BRD3OS: variants seen among roughly 807,000 people sequenced by gnomAD.
The protein encoded by BRD3OS is uncharacterized protein BRD3OS.
In BRD3OS at chr9:134,027,422, C is replaced by T. The variant is rs1263533339; in HGVS notation, c.*420C>T. Reference sequence around the variant, plus strand: ...ATGGCGGAGTAGCAGCAGCATCTCACCAGGAGCTTTGTCGCATTACATTTT... The same window carrying T: ...ATGGCGGAGTAGCAGCAGCATCTCATCAGGAGCTTTGTCGCATTACATTTT... On this transcript the variant is annotated 3_prime_UTR_variant, in exon 3 of 3. Transcript: ENST00000603928. 6.5e-6 allele frequency: 1 copy of T among 154,080 alleles called. No homozygotes were observed. The highest frequency in any genetic ancestry group is 2.4e-5 in the African/African-American group (1 of 41,534). The allele number at this position is 154,080 out of a possible 1,614,324, so 9.5% of individuals were successfully genotyped here. A position where few individuals can be genotyped will look rare whatever the true frequency, so the allele number is the denominator to read the frequency against.
Position 134,030,304 on chromosome 9 carries a change from C to CTTTTTTTTTTTT in BRD3OS, c.*3312_*3323dup, listed in dbSNP as rs60558736. ...GGAAAATGCAAAAAAAAAAAACAGT[C>CTTTTTTTTTTTT]TTTTTTTTTTTTTTTTTTTTTGCTT... On this transcript the variant is annotated 3_prime_UTR_variant, in exon 3 of 3. Transcript: ENST00000603928. 4.0e-4 allele frequency: 31 copies of CTTTTTTTTTTTT among 78,080 alleles called. No homozygotes were observed. The highest frequency in any genetic ancestry group is 5.8e-4 in the Non-Finnish European group (26 of 44,706). The allele number at this position is 78,080 out of a possible 1,614,324, so 4.8% of individuals were successfully genotyped here.
rs949199757 is a variant in BRD3OS, at chr9:134,031,407, G to C, written c.*4405G>C. 5 of 208,578 alleles carry C rather than the reference G, an allele frequency of 2.4e-5. No homozygotes were observed. Among genetic ancestry groups the C allele is most frequent in the Non-Finnish European group, 3.9e-5 (4 of 102,538 alleles). The allele number at this position is 208,578 out of a possible 1,614,324, so 12.9% of individuals were successfully genotyped here. A position where few individuals can be genotyped will look rare whatever the true frequency, so the allele number is the denominator to read the frequency against. On this transcript the variant is annotated 3_prime_UTR_variant, in exon 3 of 3. Transcript: ENST00000603928. ...TGTGCTGGCAGCACGTTACCAACCA[G>C]CCTGCGTGAAGACCTGTCAACTGTC...
Position 134,027,915 on chromosome 9 carries a change from A to T in BRD3OS, c.*913A>T, listed in dbSNP as rs1843451656. 2 of 152,146 alleles carry T rather than the reference A, an allele frequency of 1.3e-5. No individual in the cohort carries two copies. Among genetic ancestry groups the T allele is most frequent in the African/African-American group, 4.8e-5 (2 of 41,400 alleles). The allele number at this position is 152,146 out of a possible 1,614,324, so 9.4% of individuals were successfully genotyped here. A position where few individuals can be genotyped will look rare whatever the true frequency, so the allele number is the denominator to read the frequency against. ...CTCTCCACCAGACTTAAAGCATTCA[A>T]CCACTCTGCCCCCAGGCCGACACTG... On this transcript the variant is annotated 3_prime_UTR_variant, in exon 3 of 3. Coordinates refer to ENST00000603928, the MANE Select transcript of BRD3OS (RefSeq NM_001355256.2).
chr9:134,027,680 G>C lies in BRD3OS; in HGVS notation c.*678G>C, dbSNP rs1383643678. The C allele has an allele frequency of 6.6e-6, 1 of 152,224 alleles. No individual in the cohort carries two copies. The highest frequency in any genetic ancestry group is 1.9e-4 in the East Asian group (1 of 5,198). 9.4% of individuals were successfully genotyped at this position (152,224 alleles called of 1,614,324 possible). Reference sequence around the variant, plus strand: ...GGGCTCAAGCCTCCCAGAGTGCTGGGATTACAGGCATGGGTCACCGCACCA... The same window carrying C: ...GGGCTCAAGCCTCCCAGAGTGCTGGCATTACAGGCATGGGTCACCGCACCA... On this transcript the variant is annotated 3_prime_UTR_variant, in exon 3 of 3. Coordinates refer to ENST00000603928, the MANE Select transcript of BRD3OS (RefSeq NM_001355256.2).
In BRD3OS at chr9:134,027,865, T is replaced by C. The variant is rs1026940004; in HGVS notation, c.*863T>C. The C allele has an allele frequency of 6.6e-6, 1 of 152,206 alleles. No individual in the cohort carries two copies. The highest frequency in any genetic ancestry group is 2.4e-5 in the African/African-American group (1 of 41,444). 9.4% of individuals were successfully genotyped at this position (152,206 alleles called of 1,614,324 possible). On this transcript the variant is annotated 3_prime_UTR_variant, in exon 3 of 3. Transcript: ENST00000603928. ...TGTGTGGCCTACAGTGACTTCCATGTAGTAACAGGGCTGAGCAAGGCAGGC... is the reference window on the plus strand; with the variant it reads ...TGTGTGGCCTACAGTGACTTCCATGCAGTAACAGGGCTGAGCAAGGCAGGC...
chr9:134,026,531 C>T lies in BRD3OS; in HGVS notation c.-217C>T. ...CCTGTGTGCGGTCCCCTGAATGGGT[C>T]TCAGGTGTCTTCAGAATGGTGAGGC... On this transcript the variant is annotated 5_prime_UTR_variant, in exon 3 of 3. Transcript: ENST00000603928. The surrounding 1 kb of genome is among the most constrained non-coding windows in gnomAD (Gnocchi z 4.4). The T allele has an allele frequency of 5.5e-6, 2 of 361,250 alleles. No homozygotes were observed. The highest frequency in any genetic ancestry group is 9.9e-6 in the Non-Finnish European group (2 of 202,742). The allele number at this position is 361,250 out of a possible 1,614,324, so 22.4% of individuals were successfully genotyped here. A position where few individuals can be genotyped will look rare whatever the true frequency, so the allele number is the denominator to read the frequency against.
Position 134,026,892 on chromosome 9 carries a change from C to T in BRD3OS, c.145C>T (p.Arg49Ter). 2.5e-6 allele frequency: 1 copy of T among 398,822 alleles called. No individual in the cohort carries two copies. The highest frequency in any genetic ancestry group is 4.4e-6 in the Non-Finnish European group (1 of 226,046). The allele number at this position is 398,822 out of a possible 1,614,324, so 24.7% of individuals were successfully genotyped here. A position where few individuals can be genotyped will look rare whatever the true frequency, so the allele number is the denominator to read the frequency against. ...VPPGTYLSRS[R>*]SMWYSQYGNE... ...ACCTGGGACGTACCTGAGCAGGAGC[C>T]GAAGCATGTGGTACTCACAGTATGG... The change falls in exon 3 of 3, where the codon CGA becomes TGA. Residue 49 changes from arginine (R) to a stop codon, truncating the protein, a stop_gained. Transcript: ENST00000603928. LOFTEE classifies it high-confidence loss of function. This position sits in a 1 kb window ranked among gnomAD's most constrained non-coding sequence, Gnocchi z 4.4.
In BRD3OS at chr9:134,030,191, G is replaced by A. The variant is rs1466523371; in HGVS notation, c.*3189G>A. On this transcript the variant is annotated 3_prime_UTR_variant, in exon 3 of 3. Transcript: ENST00000603928. Reference sequence around the variant, plus strand: ...GTGTGGGGAGCTCAGCACCCTTGCTGTGGACCAGTGAAGGCTGTTCCAGAC... The same window carrying A: ...GTGTGGGGAGCTCAGCACCCTTGCTATGGACCAGTGAAGGCTGTTCCAGAC... The A allele has an allele frequency of 1.3e-5, 2 of 155,226 alleles. No homozygotes were observed. Among genetic ancestry groups the A allele is most frequent in the African/African-American group, 4.8e-5 (2 of 41,340 alleles). The allele number at this position is 155,226 out of a possible 1,614,324, so 9.6% of individuals were successfully genotyped here. A position where few individuals can be genotyped will look rare whatever the true frequency, so the allele number is the denominator to read the frequency against.
rs1462566549 is a variant in BRD3OS at position 134,028,538 on chromosome 9, GCCA to G, written c.*1541_*1543del. The G allele has an allele frequency of 6.6e-6, 1 of 152,248 alleles. No individual in the cohort carries two copies. The highest frequency in any genetic ancestry group is 1.5e-5 in the Non-Finnish European group (1 of 68,066). 9.4% of individuals were successfully genotyped at this position (152,248 alleles called of 1,614,324 possible). ...TGAGTAGCTGGAATTACAGGTGCCT[GCCA>G]CCACGCCTGGCTAATTTTTCTATTT... is the stretch of plus-strand genomic sequence containing the variant. On this transcript the variant is annotated 3_prime_UTR_variant, in exon 3 of 3. Transcript: ENST00000603928.
rs1159071173 is a variant in BRD3OS, at chr9:134,027,721, T to C, written c.*719T>C. 1.3e-5 allele frequency: 2 copies of C among 152,196 alleles called. No homozygotes were observed. The highest frequency in any genetic ancestry group is 4.8e-5 in the African/African-American group (2 of 41,418). 9.4% of individuals were successfully genotyped at this position (152,196 alleles called of 1,614,324 possible). On this transcript the variant is annotated 3_prime_UTR_variant, in exon 3 of 3. Transcript: ENST00000603928. ...CACCGCACCAAGCCCGCATTTATAT[T>C]TTGAGTTACCAAAATGATCATCATC...
rs72766607 is a variant in BRD3OS at position 134,030,696 on chromosome 9, T to G, written c.*3694T>G. On this transcript the variant is annotated 3_prime_UTR_variant, in exon 3 of 3. Coordinates refer to ENST00000603928, the MANE Select transcript of BRD3OS (RefSeq NM_001355256.2). Reference sequence around the variant, plus strand: ...CTTTCCCAAAAGACTGTCAGAGGCGTGAGTGCTGCAAAAGAACAACAACAA... The same window carrying G: ...CTTTCCCAAAAGACTGTCAGAGGCGGGAGTGCTGCAAAAGAACAACAACAA... 0.015 allele frequency: 3,496 copies of G among 230,400 alleles called. 53 individuals are homozygous for G. Among genetic ancestry groups the G allele is most frequent in the Non-Finnish European group, 0.021 (2,489 of 116,288 alleles). 14.3% of individuals were successfully genotyped at this position (230,400 alleles called of 1,614,324 possible).
rs917426951 is a variant in BRD3OS, at chr9:134,030,366, G to A, written c.*3364G>A. On this transcript the variant is annotated 3_prime_UTR_variant, in exon 3 of 3. Coordinates refer to ENST00000603928, the MANE Select transcript of BRD3OS (RefSeq NM_001355256.2). ...AACAAAACAAATGCCCCAGGAGAAG[G>A]GTCCATGATTACCAGAAACATCAAA... is the stretch of plus-strand genomic sequence containing the variant. 5.8e-6 allele frequency: 1 copy of A among 172,770 alleles called. No individual in the cohort carries two copies. Among genetic ancestry groups the A allele is most frequent in the Admixed American group, 6.6e-5 (1 of 15,164 alleles). 10.7% of individuals were successfully genotyped at this position (172,770 alleles called of 1,614,324 possible).
At position 134,028,226 on chromosome 9, in the gene BRD3OS, C is replaced by G. The variant is rs919068761; in HGVS notation, c.*1224C>G. 2 of 152,232 alleles carry G rather than the reference C, an allele frequency of 1.3e-5. No individual in the cohort carries two copies. The highest frequency in any genetic ancestry group is 4.8e-5 in the African/African-American group (2 of 41,456). The allele number at this position is 152,232 out of a possible 1,614,324, so 9.4% of individuals were successfully genotyped here. ...ATACACAAAGGCATAAAGCAAAGCA[C>G]AAGTGCTCTCCGTGGGGAGAACCCG... is the stretch of plus-strand genomic sequence containing the variant. On this transcript the variant is annotated 3_prime_UTR_variant, in exon 3 of 3. Transcript: ENST00000603928.
At position 134,026,010 on chromosome 9, in the gene BRD3OS, C is replaced by T. The variant is rs1341907668; in HGVS notation, c.-621C>T. Reference sequence around the variant, plus strand: ...CTGAAGCCCCAACAAGCAGCCTCCCCAGCACCTCCCAGTGACTGAAAAAGC... The same window carrying T: ...CTGAAGCCCCAACAAGCAGCCTCCCTAGCACCTCCCAGTGACTGAAAAAGC... On this transcript the variant is annotated 5_prime_UTR_variant, in exon 2 of 3. Transcript: ENST00000603928. This position sits in a 1 kb window ranked among gnomAD's most constrained non-coding sequence, Gnocchi z 4.4. 3 of 152,412 alleles carry T rather than the reference C, an allele frequency of 2.0e-5. No individual in the cohort carries two copies. The highest frequency in any genetic ancestry group is 4.8e-5 in the African/African-American group (2 of 41,442). 9.4% of individuals were successfully genotyped at this position (152,412 alleles called of 1,614,324 possible).
Position 134,029,351 on chromosome 9 carries a change from T to TGCAGGGGTCA in BRD3OS, c.*2351_*2360dup, listed in dbSNP as rs1307558037. 10 of 152,438 alleles carry TGCAGGGGTCA rather than the reference T, an allele frequency of 6.6e-5. No homozygotes were observed. The highest frequency in any genetic ancestry group is 2.2e-4 in the African/African-American group (9 of 41,576). The allele number at this position is 152,438 out of a possible 1,614,324, so 9.4% of individuals were successfully genotyped here. On this transcript the variant is annotated 3_prime_UTR_variant, in exon 3 of 3. Coordinates refer to ENST00000603928, the MANE Select transcript of BRD3OS (RefSeq NM_001355256.2). ...GGATGTGTGCTCAAGGGCCAGTCTC[T>TGCAGGGGTCA]GCAGGGGTCAGGGCGTGTGGGCCAC...
chr9:134,028,109 T>C lies in BRD3OS; in HGVS notation c.*1107T>C, dbSNP rs1341636781. 1.3e-5 allele frequency: 2 copies of C among 152,270 alleles called. No homozygotes were observed. Among genetic ancestry groups the C allele is most frequent in the African/African-American group, 4.8e-5 (2 of 41,470 alleles). 9.4% of individuals were successfully genotyped at this position (152,270 alleles called of 1,614,324 possible). On this transcript the variant is annotated 3_prime_UTR_variant, in exon 3 of 3. Transcript: ENST00000603928. ...ACATCCTTTAATACACTCCTCCCCT[T>C]CCTCACACTTATTTTTATCCTTGTT...
intron 1 of BRD3OS, 104 bp downstream of exon 1, chr9:134,025,640 G>C (rs1381294296): frequency 6.6e-6 from 1 of 152,194 alleles, no homozygotes; most frequent in Non-Finnish European, 1.5e-5. Flanking sequence ...CGCGGGGATG[G>C]GGGCCGCGGG....
At position 134,030,524 on chromosome 9, in the gene BRD3OS, TAAGAA is replaced by T. The variant is rs1436415619; in HGVS notation, c.*3526_*3530del. On this transcript the variant is annotated 3_prime_UTR_variant, in exon 3 of 3. Coordinates refer to ENST00000603928, the MANE Select transcript of BRD3OS (RefSeq NM_001355256.2). The stretch of plus-strand genomic sequence containing the variant: ...ATACTAGAAACGGCACTAAAAAGTT[TAAGAA>T]AAGTTACGGTAAACTTGCATGCACA... The T allele has an allele frequency of 4.8e-6, 1 of 209,102 alleles. No homozygotes were observed. The highest frequency in any genetic ancestry group is 9.7e-6 in the Non-Finnish European group (1 of 103,036). 13.0% of individuals were successfully genotyped at this position (209,102 alleles called of 1,614,324 possible). A position where few individuals can be genotyped will look rare whatever the true frequency, so the allele number is the denominator to read the frequency against.
At position 134,030,893 on chromosome 9, in the gene BRD3OS, TC is replaced by T; in HGVS notation, c.*3895del. ...GACACACGACTTGTCACTACTCCTC[TC>T]CCCTTGAAAAAAGCATGTTAGAAGC... On this transcript the variant is annotated 3_prime_UTR_variant, in exon 3 of 3. Coordinates refer to ENST00000603928, the MANE Select transcript of BRD3OS (RefSeq NM_001355256.2). The T allele has an allele frequency of 4.3e-6, 1 of 231,794 alleles. No homozygotes were observed. Among genetic ancestry groups the T allele is most frequent in the African/African-American group, 2.2e-5 (1 of 45,336 alleles). 14.4% of individuals were successfully genotyped at this position (231,794 alleles called of 1,614,324 possible). A position where few individuals can be genotyped will look rare whatever the true frequency, so the allele number is the denominator to read the frequency against.
Sources: gnomAD v4.1 joint callset for allele counts on GRCh38, gnomAD v4.1.1 for gene constraint, Gnocchi (gnomAD v3.1) non-coding constraint, MANE v1.5 for transcripts, NCBI Gene and HGNC (gene_info 2026-07-23, HGNC 2026-07-21) for gene names.